Variants in ENTREP2 observed in about 807,000 individuals in gnomAD.
ENTREP2 encodes endosomal transmembrane epsin interactor 2.
the ENTREP2 span, among the ~76,000 whole-genome samples, chr15:29,469,125 G>A: frequency 1.3e-5 from 2 of 152,176 alleles, no homozygotes; most frequent in Non-Finnish European, 2.9e-5. Flanking sequence ...TGAACCTCGA[G>A]GACATGGTGC....
the ENTREP2 span, among the ~76,000 whole-genome samples, chr15:29,542,400 G>A: frequency 4.0e-5 from 6 of 151,716 alleles, no homozygotes; most frequent in East Asian, 1.9e-4. Context: ...CCGGGTTCAC[G>A]CCGTTCTCCT....
the ENTREP2 span, among the ~76,000 whole-genome samples, chr15:29,300,398 AATGG>A: frequency 0.011 from 1,392 of 129,020 alleles, 7 homozygotes; most frequent in Middle Eastern, 0.027. Flanking sequence ...TAGATGGATA[AATGG>A]ATGGATGGAT....
the ENTREP2 span, among the ~76,000 whole-genome samples, chr15:29,635,853 A>G: frequency 1.3e-5 from 2 of 152,272 alleles, no homozygotes; most frequent in African/African-American, 4.8e-5. Context: ...CAAGGAAAAG[A>G]TTTGTCTAAA....
the ENTREP2 span, among the ~76,000 whole-genome samples, chr15:29,591,626 G>A: frequency 6.6e-6 from 1 of 152,018 alleles, no homozygotes; most frequent in Non-Finnish European, 1.5e-5. Context: ...GGGTGCGGTG[G>A]TTCACACCTG....
the ENTREP2 span, among the ~76,000 whole-genome samples, chr15:29,129,816 A>C: frequency 6.6e-6 from 1 of 152,106 alleles, no homozygotes; most frequent in African/African-American, 2.4e-5. Flanking sequence ...CGATGTTTGG[A>C]TGTGATGCCA....
chr15:29,630,362 A>C, the ENTREP2 span, among the ~76,000 whole-genome samples: 2 of 151,904 alleles, frequency 1.3e-5, no homozygotes, highest in Admixed American at 1.3e-4. Flanking sequence ...CCCTGTAACT[A>C]ATTCATCGTT....
the ENTREP2 span, among the ~76,000 whole-genome samples, chr15:29,175,590 G>A: frequency 6.6e-6 from 1 of 152,182 alleles, no homozygotes; most frequent in Non-Finnish European, 1.5e-5. Context: ...CAGGAACGCT[G>A]ATGTTTGTCC....
At chr15:29,401,343 A>C in the ENTREP2 span, among the ~76,000 whole-genome samples, 1 of 152,232 alleles carries the variant, frequency 6.6e-6, no homozygotes, top group Non-Finnish European at 1.5e-5. Flanking sequence ...AACAGAAAAA[A>C]ATGGCTGAAT....
the ENTREP2 span, among the ~76,000 whole-genome samples, chr15:29,391,473 G>C: frequency 6.6e-6 from 1 of 152,062 alleles, no homozygotes; most frequent in Admixed American, 6.5e-5. Flanking sequence ...CCTCATGAAA[G>C]AGAAAAAACT....
the ENTREP2 span, among the ~76,000 whole-genome samples, chr15:29,183,069 A>G: frequency 6.6e-6 from 1 of 152,202 alleles, no homozygotes; most frequent in African/African-American, 2.4e-5. Context: ...AATAGTTCTT[A>G]AAATGCAACA....
the ENTREP2 span, among the ~76,000 whole-genome samples, chr15:29,407,842 G>GTT: frequency 1.4e-3 from 208 of 151,520 alleles, no homozygotes; most frequent in African/African-American, 4.9e-3. Flanking sequence ...ATTTTTTGGG[G>GTT]TTTTTTTTGC....
the ENTREP2 span, among the ~76,000 whole-genome samples, chr15:29,646,682 T>A: frequency 1.6e-4 from 24 of 152,302 alleles, no homozygotes; most frequent in Admixed American, 3.9e-4. Flanking sequence ...GGAACTTAAT[T>A]ATAACTGCAA....
At chr15:29,482,804 A>G in the ENTREP2 span, among the ~76,000 whole-genome samples, 10,487 of 152,332 alleles carry the variant, frequency 0.069, 494 homozygotes, top group South Asian at 0.13. Context: ...ATAAATATCC[A>G]AGTGCAGGCT....
At chr15:29,421,707 A>G in the ENTREP2 span, among the ~76,000 whole-genome samples, 1 of 152,236 alleles carries the variant, frequency 6.6e-6, no homozygotes, top group Non-Finnish European at 1.5e-5. Context: ...ACAGGAAAAC[A>G]GCTGATCATT....
At chr15:29,391,995 T>A in the ENTREP2 span, among the ~76,000 whole-genome samples, 1 of 152,148 alleles carries the variant, frequency 6.6e-6, no homozygotes, top group Non-Finnish European at 1.5e-5. Context: ...TGGCTAATTT[T>A]TTTTCCTATT....
At chr15:29,492,101 AC>A in the ENTREP2 span, among the ~76,000 whole-genome samples, 1 of 151,946 alleles carries the variant, frequency 6.6e-6, no homozygotes, top group Non-Finnish European at 1.5e-5. Context: ...TTCAGGGCAG[AC>A]AAAGGCAGCT....
At chr15:29,650,321 G>C in the ENTREP2 span, among the ~76,000 whole-genome samples, 1 of 152,126 alleles carries the variant, frequency 6.6e-6, no homozygotes, top group African/African-American at 2.4e-5. Context: ...GGCCACACGC[G>C]GTGGCTCACA....
the ENTREP2 span, among the ~76,000 whole-genome samples, chr15:29,280,289 G>A: frequency 6.6e-6 from 1 of 152,218 alleles, no homozygotes; most frequent in Non-Finnish European, 1.5e-5. Context: ...CCTGAGTGAG[G>A]AGCCCCCAGA....
the ENTREP2 span, among the ~76,000 whole-genome samples, chr15:29,145,304 A>AGG: frequency 1.3e-5 from 2 of 152,192 alleles, no homozygotes; most frequent in African/African-American, 4.8e-5. Context: ...AGCATTTGAC[A>AGG]AAATCCAACT....
Sources: allele counts gnomAD v4.1 joint callset (sites outside exome capture counted in the v4.1 genomes callset), GRCh38; gene constraint gnomAD v4.1.1; transcripts MANE v1.5; gene names NCBI Gene and HGNC (gene_info 2026-07-23, HGNC 2026-07-21).